The following IGF1R variants were observed in gnomAD, a reference collection of about 807,000 sequenced individuals.
The protein encoded by IGF1R is insulin-like growth factor 1 receptor.
A neutral mutation model predicts 144.6 loss-of-function variants in IGF1R; 44 were observed. The ratio of observed to expected loss-of-function variants is 0.30; its 90% CI spans 0.24 to 0.39. IGF1R has a LOEUF of 0.39. Among genes scored for constraint, IGF1R ranks in the 10% least tolerant of loss-of-function variants. The pLI, the probability that IGF1R is intolerant of heterozygous loss-of-function variation, is 1.00. For missense variants in IGF1R, 1,355 were observed against 1,833.7 expected (o/e 0.74, Z 4.77); for synonymous variants, 795 against 722.8 (o/e 1.10, Z -1.60).
chr15:98,720,887 C>T (rs75650666), intron 2 of IGF1R, among the ~76,000 whole-genome samples: 2 of 152,260 alleles, frequency 1.3e-5, no homozygotes, highest in East Asian at 1.9e-4. Flanking sequence ...CTGAGCAGCC[C>T]GATAGCCAAG....
chr15:98,708,177 C>G (rs1314780624), intron 2 of IGF1R, 70 bp downstream of exon 2: 4 of 1,340,108 alleles, frequency 3.0e-6, no homozygotes, highest in Admixed American at 1.7e-5. Context: ...GACCTCCCTT[C>G]TCTTCTGAGT....
chr15:98,935,805 G>A lies in IGF1R; in HGVS notation c.3297+379G>A, dbSNP rs938875078. On this transcript the variant is annotated intron_variant, in intron 17 of 20. Transcript: ENST00000650285. The surrounding 1 kb of genome is among the most constrained non-coding windows in gnomAD (Gnocchi z 4.2). Reference sequence around the variant, plus strand: ...ATCTTCTCTGCTAACTTCTCGATGCGCTTGACTCACATCCTCGTATGTGTT... The same window carrying A: ...ATCTTCTCTGCTAACTTCTCGATGCACTTGACTCACATCCTCGTATGTGTT... 1.4e-4 allele frequency among the ~76,000 whole-genome samples: 22 copies of A among 152,096 alleles called. No individual in the cohort carries two copies. The highest frequency in any genetic ancestry group is 4.3e-4 in the African/African-American group (18 of 41,514).
intron 2 of IGF1R, among the ~76,000 whole-genome samples, chr15:98,721,611 G>A (rs1213420734): frequency 3.9e-5 from 6 of 152,160 alleles, no homozygotes. Flanking sequence ...TCTTCTCTCA[G>A]GGTAGTGCAC....
intron 1 of IGF1R, among the ~76,000 whole-genome samples, chr15:98,681,597 C>T (rs545217524): frequency 6.6e-6 from 1 of 152,178 alleles, no homozygotes; most frequent in African/African-American, 2.4e-5. Flanking sequence ...GGCAGCAGAC[C>T]CTCCTGCCTG....
chr15:98,753,115 G>A (rs563701187), intron 2 of IGF1R, among the ~76,000 whole-genome samples: 22 of 151,950 alleles, frequency 1.4e-4, no homozygotes, highest in Admixed American at 1.3e-3. Context: ...TGTGTATTTA[G>A]TAGAGACAGG....
In IGF1R at chr15:98,959,477, C is replaced by T. The variant is rs535922366; in HGVS notation, c.*2035C>T. On this transcript the variant is annotated 3_prime_UTR_variant, in exon 21 of 21. Coordinates refer to ENST00000650285, the MANE Select transcript of IGF1R (RefSeq NM_000875.5). ...CCCCGGGATCCAGGCTGGCCCAGGG[C>T]GGCACCCTCAGGGCTGTGCCCGCTG... 1.5e-4 allele frequency: 36 copies of T among 233,640 alleles called. No homozygotes were observed. The highest frequency in any genetic ancestry group is 5.4e-4 in the East Asian group (9 of 16,564). 14.5% of individuals were successfully genotyped at this position (233,640 alleles called of 1,614,324 possible). A position where few individuals can be genotyped will look rare whatever the true frequency, so the allele number is the denominator to read the frequency against.
intron 2 of IGF1R, among the ~76,000 whole-genome samples, chr15:98,838,122 G>GA (rs919446505): frequency 3.9e-5 from 6 of 152,098 alleles, no homozygotes; most frequent in African/African-American, 1.4e-4. Context: ...ACCTTTATGA[G>GA]AAAAAACTTA....
chr15:98,675,822 C>CTTTTTTTTT (rs1555430684), intron 1 of IGF1R, among the ~76,000 whole-genome samples: 1 of 114,416 alleles, frequency 8.7e-6, no homozygotes, highest in Non-Finnish European at 1.8e-5. Flanking sequence ...TTCTTTCTTT[C>CTTTTTTTTT]TTTCTTTTTT....
At chr15:98,869,459 C>A (rs2715441) in intron 2 of IGF1R, among the ~76,000 whole-genome samples, 58,893 of 145,838 alleles carry the variant, frequency 0.4, 12,834 homozygotes, top group East Asian at 0.8. Flanking sequence ...TTTTAGACGG[C>A]GTTTCGCCCT....
intron 2 of IGF1R, among the ~76,000 whole-genome samples, chr15:98,726,893 G>T: frequency 6.6e-6 from 1 of 151,726 alleles, no homozygotes. Flanking sequence ...CTAATTTTTT[G>T]TATTTTTAGT....
intron 1 of IGF1R, among the ~76,000 whole-genome samples, chr15:98,652,934 C>CCTT (rs1555428417): frequency 1.3e-4 from 19 of 143,354 alleles, no homozygotes; most frequent in African/African-American, 4.6e-4. Context: ...TCAATAAACC[C>CCTT]TTTTTTTTTT....
intron 5 of IGF1R, among the ~76,000 whole-genome samples, chr15:98,901,168 G>A (rs777454859): frequency 2.6e-5 from 4 of 152,130 alleles, no homozygotes; most frequent in Admixed American, 6.5e-5. Flanking sequence ...TTAAGGTTGC[G>A]TGCTCAGGTG....
At chr15:98,936,178 C>T (rs2016140586) in intron 17 of IGF1R, among the ~76,000 whole-genome samples, 1 of 152,226 alleles carries the variant, frequency 6.6e-6, no homozygotes, top group African/African-American at 2.4e-5. Context: ...AGGATTGATC[C>T]AGAGTCAGTG....
intron 1 of IGF1R, among the ~76,000 whole-genome samples, chr15:98,685,921 A>G (rs950060728): frequency 6.6e-6 from 1 of 152,214 alleles, no homozygotes; most frequent in Non-Finnish European, 1.5e-5. Context: ...ATTTTTTTAA[A>G]TGTACGAGTT....
chr15:98,783,532 A>G (rs1513643), intron 2 of IGF1R, among the ~76,000 whole-genome samples: 64,772 of 152,008 alleles, frequency 0.43, 14,385 homozygotes, highest in Middle Eastern at 0.68. Context: ...TAAATGTACT[A>G]CATTCCATGA....
chr15:98,895,804 G>A (rs977727675), intron 3 of IGF1R, among the ~76,000 whole-genome samples: 2 of 152,206 alleles, frequency 1.3e-5, no homozygotes, highest in African/African-American at 4.8e-5. Context: ...TTTGAGAGAT[G>A]ATTTAAGAAC....
chr15:98,917,401 G>A (rs1329588742), intron 10 of IGF1R, among the ~76,000 whole-genome samples: 1 of 152,226 alleles, frequency 6.6e-6, no homozygotes, highest in Non-Finnish European at 1.5e-5. Context: ...AAGCAGTGTA[G>A]GGCGACAGCC....
chr15:98,878,762 T>G (rs992919712), intron 2 of IGF1R, among the ~76,000 whole-genome samples: 1 of 146,212 alleles, frequency 6.8e-6, no homozygotes. Flanking sequence ...GGAGGCCAAG[T>G]CAGGTGGATC....
chr15:98,784,844 G>A (rs895313292), intron 2 of IGF1R, among the ~76,000 whole-genome samples: 4 of 152,172 alleles, frequency 2.6e-5, no homozygotes, highest in African/African-American at 7.2e-5. Flanking sequence ...ATGTGCATAC[G>A]TTATATGCAA....
Sources: allele counts gnomAD v4.1 joint callset (sites outside exome capture counted in the v4.1 genomes callset), GRCh38; gene constraint gnomAD v4.1.1; non-coding constraint Gnocchi (gnomAD v3.1); transcripts MANE v1.5; gene names NCBI Gene and HGNC (gene_info 2026-07-23, HGNC 2026-07-21).